DCP2: variants seen among roughly 807,000 people sequenced by gnomAD.
DCP2 encodes m7GpppN-mRNA hydrolase.
In DCP2, 30 loss-of-function variants were observed where a neutral mutation model predicts 56.1. The ratio of observed to expected loss-of-function variants is 0.53; its 90% CI spans 0.40 to 0.73. DCP2 has a LOEUF of 0.73. Among genes scored for constraint, DCP2 ranks in the 30% least tolerant of loss-of-function variants. The probability of loss-of-function intolerance (pLI) is 0.00; values close to 1 mark genes in which losing one functional copy is unlikely to be tolerated. For missense variants in DCP2, 533 were observed against 502.7 expected (o/e 1.06, Z -0.58); for synonymous variants, 197 against 163.3 (o/e 1.21, Z -1.57).
intron 8 of DCP2, 56 bp downstream of exon 8, chr5:113,004,133 T>C: frequency 6.3e-7 from 1 of 1,576,478 alleles, no homozygotes; most frequent in Non-Finnish European, 8.6e-7. Flanking sequence ...GGCTTTGAAA[T>C]TTTTCTCAAT....
chr5:113,007,431 C>G (rs1231726704), intron 8 of DCP2, among the ~76,000 whole-genome samples: 1 of 148,798 alleles, frequency 6.7e-6, no homozygotes, highest in Non-Finnish European at 1.5e-5. Flanking sequence ...GAGATAGTCT[C>G]CCTCTGTTGC....
intron 1 of DCP2, among the ~76,000 whole-genome samples, chr5:112,985,373 T>C (rs33544): frequency 0.54 from 81,706 of 152,050 alleles, 23,057 homozygotes; most frequent in African/African-American, 0.72. Flanking sequence ...AGGTGAGGCT[T>C]TTTGGGAAGT....
intron 4 of DCP2, among the ~76,000 whole-genome samples, chr5:112,997,218 G>A (rs181412285): frequency 1.5e-4 from 23 of 152,318 alleles, no homozygotes; most frequent in Non-Finnish European, 3.4e-4. Context: ...CCTAGTGTGG[G>A]AATGCAGTCC....
At chr5:112,982,367 C>G (rs1748047623) in intron 1 of DCP2, among the ~76,000 whole-genome samples, 2 of 152,308 alleles carry the variant, frequency 1.3e-5, no homozygotes, top group South Asian at 4.1e-4. Flanking sequence ...AACTAGAATA[C>G]TAGAATTCAC....
At position 113,020,044 on chromosome 5, in the gene DCP2, G is replaced by A. The variant is rs568231619; in HGVS notation, c.*6560G>A. The stretch of plus-strand genomic sequence containing the variant: ...TACATTATGCTTTAAAGATGTTAAT[G>A]GAGGATACATAGTCTTAAAACAATT... On this transcript the variant is annotated 3_prime_UTR_variant, in exon 11 of 11. Coordinates refer to ENST00000389063, the MANE Select transcript of DCP2 (RefSeq NM_152624.6). The A allele has an allele frequency of 4.2e-4, 64 of 152,330 alleles. No individual in the cohort carries two copies. The highest frequency in any genetic ancestry group is 1.5e-3 in the African/African-American group (63 of 41,582). 9.4% of individuals were successfully genotyped at this position (152,330 alleles called of 1,614,324 possible).
At chr5:112,997,013 T>G (rs1748889831) in intron 4 of DCP2, among the ~76,000 whole-genome samples, 1 of 152,222 alleles carries the variant, frequency 6.6e-6, no homozygotes, top group African/African-American at 2.4e-5. Context: ...CATTGGCGTT[T>G]CAAAGTTAGT....
chr5:112,982,784 T>TC (rs1173147166), intron 1 of DCP2, among the ~76,000 whole-genome samples: 1 of 152,238 alleles, frequency 6.6e-6, no homozygotes, highest in Non-Finnish European at 1.5e-5. Flanking sequence ...ACTCCTGTTT[T>TC]CTTCTGGTTC....
At chr5:112,990,507 C>T (rs1748530170) in intron 2 of DCP2, among the ~76,000 whole-genome samples, 1 of 152,140 alleles carries the variant, frequency 6.6e-6, no homozygotes, top group Non-Finnish European at 1.5e-5. Flanking sequence ...AACCATAGAG[C>T]TTCATGGAAT....
At position 113,022,178 on chromosome 5, in the gene DCP2, G is replaced by A. The variant is rs774734431; in HGVS notation, c.*8694G>A. 3 of 152,446 alleles carry A rather than the reference G, an allele frequency of 2.0e-5. No homozygotes were observed. The highest frequency in any genetic ancestry group is 6.6e-5 in the Admixed American group (1 of 15,258). The allele number at this position is 152,446 out of a possible 1,614,324, so 9.4% of individuals were successfully genotyped here. A position where few individuals can be genotyped will look rare whatever the true frequency, so the allele number is the denominator to read the frequency against. On this transcript the variant is annotated 3_prime_UTR_variant, in exon 11 of 11. Transcript: ENST00000389063. ...TATAAATGTCTCTGTATAAATAAATGGAGTTTTTAAAAAACAATTCTATAT... is the reference window on the plus strand; with the variant it reads ...TATAAATGTCTCTGTATAAATAAATAGAGTTTTTAAAAAACAATTCTATAT...
Position 112,976,915 on chromosome 5 carries a change from C to G in DCP2, c.-19C>G, listed in dbSNP as rs753935705. On this transcript the variant is annotated 5_prime_UTR_variant, in exon 1 of 11. Coordinates refer to ENST00000389063, the MANE Select transcript of DCP2 (RefSeq NM_152624.6). ...CCGCGCGGAGCCGGGATGCACTGTT[C>G]CTGCTGTGGGTCCTCATCATGGAGA... is the stretch of plus-strand genomic sequence containing the variant. The G allele has an allele frequency of 5.6e-6, 9 of 1,613,698 alleles. No homozygotes were observed. Among genetic ancestry groups the G allele is most frequent in the South Asian group, 3.3e-5 (3 of 91,058 alleles).
chr5:112,981,860 T>G (rs936551609), intron 1 of DCP2, among the ~76,000 whole-genome samples: 8 of 152,208 alleles, frequency 5.3e-5, no homozygotes, highest in Admixed American at 5.2e-4. Flanking sequence ...AACCCGTGTC[T>G]CCTGGGTTCA....
chr5:112,978,899 A>C (rs1456674049), intron 1 of DCP2, among the ~76,000 whole-genome samples: 1 of 152,242 alleles, frequency 6.6e-6, no homozygotes, highest in East Asian at 1.9e-4. Flanking sequence ...GAGTTGATTT[A>C]GAAAAAGATG....
intron 10 of DCP2, among the ~76,000 whole-genome samples, chr5:113,012,639 T>A (rs1749724446): frequency 1.3e-5 from 2 of 152,182 alleles, no homozygotes; most frequent in Admixed American, 6.5e-5. Flanking sequence ...CTTTTTTTTC[T>A]TATTTTTTTC....
chr5:113,003,158 A>G (rs1482693624), intron 7 of DCP2, among the ~76,000 whole-genome samples: 3 of 58,544 alleles, frequency 5.1e-5, no homozygotes, highest in Non-Finnish European at 1.0e-4. Flanking sequence ...ATATTAGTCA[A>G]AAGCTGACTA....
intron 8 of DCP2, among the ~76,000 whole-genome samples, chr5:113,005,151 G>GGTGTGTGTGTGGGT (rs1554101208): frequency 1.3e-5 from 2 of 149,420 alleles, no homozygotes; most frequent in African/African-American, 5.0e-5. Flanking sequence ...TGTGCGTGTG[G>GGTGTGTGTGTGGGT]GTGTGTGTGT....
At chr5:112,981,991 C>G (rs1359357028) in intron 1 of DCP2, among the ~76,000 whole-genome samples, 1 of 152,192 alleles carries the variant, frequency 6.6e-6, no homozygotes, top group East Asian at 1.9e-4. Flanking sequence ...TGGTCTTGAA[C>G]TCCTGACCTC....
chr5:112,997,263 A>G (rs1160829862), intron 4 of DCP2, among the ~76,000 whole-genome samples: 1 of 152,198 alleles, frequency 6.6e-6, no homozygotes, highest in African/African-American at 2.4e-5. Flanking sequence ...ATTTAACAGG[A>G]CAAAGATGTT....
intron 9 of DCP2, 193 bp downstream of exon 9, chr5:113,008,235 T>C: frequency 2.1e-6 from 1 of 473,688 alleles, no homozygotes; most frequent in Non-Finnish European, 3.8e-6. Flanking sequence ...AAATGTATAA[T>C]GTTGATGCAA....
chr5:113,013,009 G>A (rs1046596368), intron 10 of DCP2, among the ~76,000 whole-genome samples: 2 of 152,114 alleles, frequency 1.3e-5, no homozygotes, highest in South Asian at 4.1e-4. Flanking sequence ...TTCTGTAACA[G>A]AATGCACATA....
Sources: allele counts gnomAD v4.1 joint callset (sites outside exome capture counted in the v4.1 genomes callset), GRCh38; gene constraint gnomAD v4.1.1; transcripts MANE v1.5; gene names NCBI Gene and HGNC (gene_info 2026-07-23, HGNC 2026-07-21).